RAD51B: variants seen among roughly 807,000 people sequenced by gnomAD.
RAD51B encodes DNA repair protein RAD51 homolog 2.
A neutral mutation model predicts 42.2 loss-of-function variants in RAD51B; 38 were observed. That is an observed-to-expected ratio of 0.90 (90% confidence interval 0.70 to 1.18). The LOEUF (loss-of-function observed/expected upper bound fraction) is 1.18, where lower values mean the gene tolerates loss of function less well. Ranked by LOEUF, RAD51B falls within the 50% of genes most tolerant of loss-of-function variation. The pLI, the probability that RAD51B is intolerant of heterozygous loss-of-function variation, is 0.00. For synonymous variants in RAD51B, 154 were observed against 145.2 expected, an observed-to-expected ratio of 1.06 and a Z score of -0.43; for missense variants, 373 against 400.7, an observed-to-expected ratio of 0.93 and a Z score of 0.59.
chr14:68,230,005 T>C (rs2080115783), intron 7 of RAD51B, among the ~76,000 whole-genome samples: 1 of 152,240 alleles, frequency 6.6e-6, no homozygotes. Context: ...TCATATCATT[T>C]CTAGCATGTC....
chr14:68,014,644 A>G (rs1231899570), intron 7 of RAD51B, among the ~76,000 whole-genome samples: 1 of 152,010 alleles, frequency 6.6e-6, no homozygotes, highest in Non-Finnish European at 1.5e-5. Context: ...TGTATGGTCA[A>G]AACTTGCCAA....
At chr14:68,594,176 T>C (rs1336645983) in intron 10 of RAD51B, among the ~76,000 whole-genome samples, 1 of 150,748 alleles carries the variant, frequency 6.6e-6, no homozygotes, top group African/African-American at 2.4e-5. Flanking sequence ...ACTTTTCATA[T>C]GCATTTGAGA....
In RAD51B at chr14:68,329,798, G is replaced by T. The variant is rs180913389; in HGVS notation, c.853+37818G>T. Among the ~76,000 whole-genome samples, 20 of 152,184 alleles carry T rather than the reference G, an allele frequency of 1.3e-4. No homozygotes were observed. The East Asian group carries it at 3.5e-3, about 26-fold the overall frequency. On this transcript the variant is annotated intron_variant, in intron 8 of 10. Coordinates refer to ENST00000471583, the MANE Select transcript of RAD51B (RefSeq NM_133510.4). ...AGATCGAGACCATCCTGACCAACAT[G>T]GTGAAACCCCGTCTCTACTAAAAGT... is the stretch of plus-strand genomic sequence containing the variant.
intron 5 of RAD51B, among the ~76,000 whole-genome samples, chr14:67,876,523 T>C (rs567157208): frequency 1.8e-4 from 28 of 152,338 alleles, no homozygotes; most frequent in African/African-American, 6.5e-4. Context: ...AATTGGAATC[T>C]TTAAAGTGCA....
chr14:67,851,009 T>C (rs1163261919), intron 4 of RAD51B, among the ~76,000 whole-genome samples: 3 of 152,140 alleles, frequency 2.0e-5, no homozygotes, highest in Non-Finnish European at 4.4e-5. Flanking sequence ...CTTAGCTTAA[T>C]ATAGGTAGCT....
chr14:68,332,282 A>G (rs2082365991), intron 8 of RAD51B, among the ~76,000 whole-genome samples: 1 of 152,202 alleles, frequency 6.6e-6, no homozygotes, highest in African/African-American at 2.4e-5. Flanking sequence ...GTATACACAC[A>G]AACACAAATG....
chr14:68,465,951 A>ATAAATAAAT (rs1555414326), intron 9 of RAD51B, among the ~76,000 whole-genome samples: 3 of 90,458 alleles, frequency 3.3e-5, no homozygotes, highest in African/African-American at 3.3e-5. Context: ...AAAAAAAAAA[A>ATAAATAAAT]AAATAAATAA....
rs1373516675 is a variant in RAD51B at position 68,150,611 on chromosome 14, A to G, written c.757-141273A>G. On this transcript the variant is annotated intron_variant, in intron 7 of 10. Transcript: ENST00000471583. Reference sequence around the variant, plus strand: ...ATTGTGTTTTTAATTTCAAATTCCAATTGCTCATTGCTAGTATATAACTAA... The same window carrying G: ...ATTGTGTTTTTAATTTCAAATTCCAGTTGCTCATTGCTAGTATATAACTAA... Among the ~76,000 whole-genome samples the G allele has an allele frequency of 4.6e-5, 7 of 152,302 alleles. No individual in the cohort carries two copies. In the South Asian group the frequency reaches 1.0e-3, roughly 23 times the overall value.
chr14:68,176,775 T>C (rs1327245986), intron 7 of RAD51B, among the ~76,000 whole-genome samples: 1 of 152,100 alleles, frequency 6.6e-6, no homozygotes, highest in African/African-American at 2.4e-5. Context: ...AACCTTGAAA[T>C]AAATAGTTAT....
intron 8 of RAD51B, among the ~76,000 whole-genome samples, chr14:68,356,324 AC>A (rs1357985688): frequency 1.3e-5 from 2 of 150,706 alleles, no homozygotes; most frequent in Non-Finnish European, 3.0e-5. Context: ...GGTCCCAGCT[AC>A]TCCGGAGGCT....
intron 11 of RAD51B, among the ~76,000 whole-genome samples, chr14:68,655,543 G>A (rs578106186): frequency 6.6e-6 from 1 of 152,232 alleles, no homozygotes; most frequent in Non-Finnish European, 1.5e-5. Context: ...GGGCAGGCGT[G>A]TGGGGGAGAT....
intron 9 of RAD51B, among the ~76,000 whole-genome samples, chr14:68,414,132 C>G (rs1405668471): frequency 2.6e-5 from 4 of 152,136 alleles, no homozygotes; most frequent in Admixed American, 1.3e-4. Flanking sequence ...AACCCAAGAG[C>G]TGAATTGTGT....
chr14:68,171,516 G>A (rs939600852), intron 7 of RAD51B, among the ~76,000 whole-genome samples: 2 of 151,948 alleles, frequency 1.3e-5, no homozygotes, highest in Non-Finnish European at 1.5e-5. Flanking sequence ...GGCCCGGCTC[G>A]TCTCAAACTC....
chr14:68,656,119 G>A lies in RAD51B; in HGVS notation c.*11+5263G>A, dbSNP rs146142468. On this transcript the variant is annotated intron_variant, in intron 11 of 11. Coordinates refer to the RAD51B transcript ENST00000488612. ...GCCAGGAGAACCCACAGGAATGGCA[G>A]GCATTGACAGCACCATGTACAAGGG... 1.5e-3 allele frequency among the ~76,000 whole-genome samples: 228 copies of A among 152,264 alleles called. 2 individuals carry two copies. Among genetic ancestry groups the A allele is most frequent in the African/African-American group, 5.0e-3 (206 of 41,552 alleles).
intron 10 of RAD51B, among the ~76,000 whole-genome samples, chr14:68,647,358 T>G (rs1171748766): frequency 6.6e-6 from 1 of 152,262 alleles, no homozygotes. Flanking sequence ...CTAAGGAGAA[T>G]GCCTCCCATT....
At chr14:68,064,840 T>A (rs1394261148) in intron 7 of RAD51B, among the ~76,000 whole-genome samples, 1 of 152,216 alleles carries the variant, frequency 6.6e-6, no homozygotes, top group Admixed American at 6.5e-5. Flanking sequence ...ATTATGTCTA[T>A]CCCTGCATTG....
Position 67,842,718 on chromosome 14 carries a change from T to C in RAD51B, c.315+7522T>C, listed in dbSNP as rs556064810. Among the ~76,000 whole-genome samples the C allele has an allele frequency of 2.0e-5, 3 of 152,320 alleles. No individual in the cohort carries two copies. The East Asian group carries it at 5.8e-4, about 29-fold the overall frequency. On this transcript the variant is annotated intron_variant, in intron 4 of 10. Coordinates refer to ENST00000471583, the MANE Select transcript of RAD51B (RefSeq NM_133510.4). Reference sequence around the variant, plus strand: ...GCTCTGGCTAGGACTTCCTGTACTATGTTGAATAGGAGTGGTGAGACTGGG... The same window carrying C: ...GCTCTGGCTAGGACTTCCTGTACTACGTTGAATAGGAGTGGTGAGACTGGG...
At chr14:68,475,162 T>A (rs1199205223) in intron 10 of RAD51B, among the ~76,000 whole-genome samples, 3 of 152,216 alleles carry the variant, frequency 2.0e-5, no homozygotes, top group African/African-American at 7.2e-5. Flanking sequence ...TTATATGATG[T>A]TGGCCAGTCT....
At chr14:67,976,692 A>C (rs2075001983) in intron 7 of RAD51B, among the ~76,000 whole-genome samples, 1 of 152,068 alleles carries the variant, frequency 6.6e-6, no homozygotes, top group Non-Finnish European at 1.5e-5. Context: ...AAGCAATGGC[A>C]ACAAAAGCCA....
Sources: gnomAD v4.1 joint callset for allele counts (sites outside exome capture counted in the v4.1 genomes callset) on GRCh38, gnomAD v4.1.1 for gene constraint, MANE v1.5 for transcripts, NCBI Gene and HGNC (gene_info 2026-07-23, HGNC 2026-07-21) for gene names.